ETV7: variants seen among roughly 807,000 people sequenced by gnomAD.
ETV7 encodes transcription factor ETV7.
A neutral mutation model predicts 39.1 loss-of-function variants in ETV7; 43 were observed. The ratio of observed to expected loss-of-function variants is 1.10; its 90% confidence interval spans 0.86 to 1.42. ETV7 has a LOEUF of 1.42. Among genes scored for constraint, ETV7 ranks in the 40% most tolerant of loss-of-function variants. The probability of loss-of-function intolerance (pLI) is 0.00; values close to 1 mark genes in which losing one functional copy is unlikely to be tolerated. For missense variants in ETV7, 432 were observed against 442.3 expected (o/e 0.98, Z 0.21); for synonymous variants, 196 against 176.6 (o/e 1.11, Z -0.87).
chr6:36,367,117 T>C, intron 6 of ETV7, 142 bp from the exon 7 acceptor site: 1 of 694,906 alleles, frequency 1.4e-6, no homozygotes. Flanking sequence ...CTCACTTGAG[T>C]TTGGAAGGAA....
rs201687734 is a variant in ETV7, at chr6:36,376,049, G to A, written c.143-14C>T. On this transcript the variant is annotated splice_polypyrimidine_tract_variant and intron_variant, in intron 2 of 7. Transcript: ENST00000340181. ...CGGGCTGGATGCCTGCAACCAGCAAGGACCAGTCCCATCACTCCCCGTCGG... is the reference window on the plus strand; with the variant it reads ...CGGGCTGGATGCCTGCAACCAGCAAAGACCAGTCCCATCACTCCCCGTCGG... The A allele has an allele frequency of 9.2e-5, 146 of 1,590,486 alleles. 2 individuals are homozygous for A. The highest frequency in any genetic ancestry group is 7.2e-4 in the South Asian group (65 of 90,760).
Position 36,369,236 on chromosome 6 carries a change from C to T in ETV7, c.665-165G>A, listed in dbSNP as rs986705721. On this transcript the variant is annotated intron_variant, in intron 5 of 7. Transcript: ENST00000340181. ...AAACAGCCACTAATGGGGCTCCTCACGCATTGTCTCAGGCAGTCTTCCTGA... is the reference window on the plus strand; with the variant it reads ...AAACAGCCACTAATGGGGCTCCTCATGCATTGTCTCAGGCAGTCTTCCTGA... Among the ~76,000 whole-genome samples the T allele has an allele frequency of 9.8e-5, 15 of 152,314 alleles. No individual in the cohort carries two copies. In the East Asian group the frequency reaches 1.4e-3, roughly 14 times the overall value.
At chr6:36,361,168 C>T (rs143960886) in intron 7 of ETV7, among the ~76,000 whole-genome samples, 12 of 152,350 alleles carry the variant, frequency 7.9e-5, no homozygotes, top group African/African-American at 2.9e-4. Flanking sequence ...GGTTTCAGAA[C>T]AACCTGCTTT....
chr6:36,376,054 A>G lies in ETV7; in HGVS notation c.143-19T>C, dbSNP rs1451093762. 6.3e-7 allele frequency: 1 copy of G among 1,588,810 alleles called. No individual in the cohort carries two copies. Among genetic ancestry groups the G allele is most frequent in the Non-Finnish European group, 8.5e-7 (1 of 1,170,096 alleles). On this transcript the variant is annotated intron_variant, in intron 2 of 7. Transcript: ENST00000340181. The stretch of plus-strand genomic sequence containing the variant: ...TGGATGCCTGCAACCAGCAAGGACC[A>G]GTCCCATCACTCCCCGTCGGGCCTC...
At chr6:36,362,410 C>T (rs1161634804), downstream of ETV7, among the ~76,000 whole-genome samples, 3 of 152,100 alleles carry the variant, frequency 2.0e-5, no homozygotes, top group African/African-American at 4.8e-5. Flanking sequence ...TTGCAGTGAG[C>T]TGAGATCACA....
chr6:36,361,179 A>G (rs1194575853), intron 7 of ETV7, among the ~76,000 whole-genome samples: 1 of 152,224 alleles, frequency 6.6e-6, no homozygotes, highest in Non-Finnish European at 1.5e-5. Context: ...AACCTGCTTT[A>G]AACTCCTCAC....
chr6:36,362,531 T>C (rs1198492991), downstream of ETV7, among the ~76,000 whole-genome samples: 2 of 152,146 alleles, frequency 1.3e-5, no homozygotes, highest in Non-Finnish European at 1.5e-5. Context: ...AGGACTTTAA[T>C]TGTATGAAAA....
At chr6:36,372,660 C>G (rs1247903991) in intron 4 of ETV7, among the ~76,000 whole-genome samples, 1 of 141,078 alleles carries the variant, frequency 7.1e-6, no homozygotes, top group Non-Finnish European at 1.5e-5. Flanking sequence ...AAGATGACAT[C>G]TGAGCAATTG....
At chr6:36,380,841 C>G (rs1262182880) in intron 2 of ETV7, among the ~76,000 whole-genome samples, 1 of 152,140 alleles carries the variant, frequency 6.6e-6, no homozygotes, top group Non-Finnish European at 1.5e-5. Flanking sequence ...ACCCCCAGGG[C>G]CTCCTTGCCT....
intron 2 of ETV7, among the ~76,000 whole-genome samples, chr6:36,381,002 A>G (rs904424721): frequency 4.0e-5 from 6 of 151,764 alleles, no homozygotes; most frequent in Admixed American, 2.6e-4. Context: ...AAGACCCCTC[A>G]AAGTGCCCCT....
At chr6:36,359,163 T>C (rs1165707122) in intron 7 of ETV7, among the ~76,000 whole-genome samples, 2 of 152,238 alleles carry the variant, frequency 1.3e-5, no homozygotes, top group East Asian at 1.9e-4. Context: ...AGAAAGGGGA[T>C]GGACAGGCTG....
downstream of ETV7, among the ~76,000 whole-genome samples, chr6:36,361,662 A>G (rs1772492656): frequency 6.6e-6 from 1 of 152,256 alleles, no homozygotes; most frequent in African/African-American, 2.4e-5. Context: ...CTAACAGAGA[A>G]GAGGAAGACC....
intron 7 of ETV7, among the ~76,000 whole-genome samples, chr6:36,359,899 C>CTT (rs573818232): frequency 1.4e-5 from 2 of 146,894 alleles, no homozygotes; most frequent in African/African-American, 2.5e-5. Context: ...AGCCTCAGTC[C>CTT]TTTTTTTTTT....
intron 2 of ETV7, among the ~76,000 whole-genome samples, chr6:36,376,715 G>T (rs1773380560): frequency 6.6e-6 from 1 of 151,294 alleles, no homozygotes; most frequent in Non-Finnish European, 1.5e-5. Flanking sequence ...AGCAGAGGTT[G>T]CAGTGAGCCG....
intron 4 of ETV7, 151 bp from the exon 5 acceptor site, chr6:36,371,711 G>T: frequency 1.4e-6 from 1 of 723,264 alleles, no homozygotes. Flanking sequence ...GGGAGGCAGT[G>T]GGGGGCAGTG....
intron 7 of ETV7, 43 bp from the exon 8 acceptor site, chr6:36,366,805 T>C: frequency 6.2e-7 from 1 of 1,613,128 alleles, no homozygotes; most frequent in Non-Finnish European, 8.5e-7. Flanking sequence ...CTGCCCCAGC[T>C]GCAGGGGGAT....
intron 6 of ETV7, 82 bp downstream of exon 6, chr6:36,368,847 C>T (rs1772852637): frequency 1.3e-6 from 2 of 1,579,800 alleles, no homozygotes; most frequent in Admixed American, 1.7e-5. Context: ...GAGGATTGTC[C>T]CATAGTGCTA....
intron 3 of ETV7, among the ~76,000 whole-genome samples, chr6:36,375,541 G>A (rs1045687104): frequency 4.6e-5 from 7 of 152,120 alleles, no homozygotes; most frequent in African/African-American, 1.7e-4. Context: ...TTGGTTTTTT[G>A]TTCAGTAGGG....
intron 3 of ETV7, 113 bp from the exon 4 acceptor site, chr6:36,373,691 G>C (rs1773161082): frequency 1.6e-6 from 2 of 1,245,770 alleles, no homozygotes; most frequent in Non-Finnish European, 1.1e-6. Context: ...TCTTGTCACA[G>C]CTTCATGCCG....
Sources: allele counts gnomAD v4.1 joint callset (sites outside exome capture counted in the v4.1 genomes callset), GRCh38; gene constraint gnomAD v4.1.1; transcripts MANE v1.5; gene names NCBI Gene and HGNC (gene_info 2026-07-23, HGNC 2026-07-21).